FBXO34: variants seen among roughly 807,000 people sequenced by gnomAD.
FBXO34 encodes the protein F-box only protein 34.
FBXO34 carries 12 observed loss-of-function variants against 24.5 expected under a neutral mutation model. The observed-to-expected ratio is 0.49, with a 90% CI of 0.31 to 0.79. The LOEUF is 0.79. FBXO34 is among the 30% of genes least tolerant of loss of function. FBXO34 has a pLI of 0.04. For synonymous variants in FBXO34, 320 were observed against 311.9 expected (o/e 1.03, Z -0.27); for missense variants, 823 against 857.7 (o/e 0.96, Z 0.51).
chr14:55,429,766 C>CAAAAAAAAAAAAAAAAAAAAAAAAAAA, the FBXO34 span, among the ~76,000 whole-genome samples: 1 of 52,394 alleles, frequency 1.9e-5, no homozygotes, highest in Admixed American at 2.6e-4. Flanking sequence ...AACTCCGTCT[C>CAAAAAAAAAAAAAAAAAAAAAAAAAAA]AAAAAAAAAA....
the FBXO34 span, among the ~76,000 whole-genome samples, chr14:55,389,476 T>C: frequency 0.014 from 2,207 of 152,330 alleles, 61 homozygotes; most frequent in African/African-American, 0.049. Flanking sequence ...GTGAGCACTT[T>C]ATTAGGACAA....
the FBXO34 span, chr14:55,413,944 A>G: frequency 6.0e-6 from 3 of 497,622 alleles, no homozygotes; most frequent in East Asian, 1.1e-4. Context: ...GATGTCTACA[A>G]TATCACCTTT....
the FBXO34 span, among the ~76,000 whole-genome samples, chr14:55,381,731 G>A: frequency 1.3e-5 from 2 of 152,212 alleles, no homozygotes; most frequent in Non-Finnish European, 2.9e-5. Context: ...ATGTGTGGTT[G>A]CCAGGAGCTG....
chr14:55,370,028 C>T (rs528496192), downstream of FBXO34: 83 of 1,121,244 alleles, frequency 7.4e-5, no homozygotes, highest in African/African-American at 1.0e-3. Context: ...TGAGGGACGC[C>T]GCACACCCCA....
At chr14:55,367,423 A>AAAAC (rs1491173233) in exon 3 of FBXO34, 5 of 152,268 alleles carry the variant, frequency 3.3e-5, no homozygotes, top group African/African-American at 1.2e-4. Context: ...CTGAGCACTT[A>AAAAC]AAACAGAGAT....
the FBXO34 span, chr14:55,413,498 G>T: frequency 4.1e-6 from 1 of 243,554 alleles, no homozygotes. Flanking sequence ...AGGGGGCGGC[G>T]CCACACTTCT....
chr14:55,396,328 T>C, the FBXO34 span, among the ~76,000 whole-genome samples: 1 of 152,224 alleles, frequency 6.6e-6, no homozygotes, highest in Admixed American at 6.5e-5. Flanking sequence ...CCCAAAGAAA[T>C]GATACATGCC....
downstream of FBXO34, chr14:55,369,722 G>A: frequency 6.2e-7 from 1 of 1,612,658 alleles, no homozygotes; most frequent in Non-Finnish European, 8.5e-7. Context: ...GGACGCCTGG[G>A]TGCTCTGACT....
At chr14:55,394,974 A>C in the FBXO34 span, 1 of 427,974 alleles carries the variant, frequency 2.3e-6, no homozygotes, top group Non-Finnish European at 4.6e-6. Context: ...GACACTTCAA[A>C]GGGGCTCTCC....
chr14:55,430,760 C>T, the FBXO34 span, among the ~76,000 whole-genome samples: 1 of 152,220 alleles, frequency 6.6e-6, no homozygotes, highest in Non-Finnish European at 1.5e-5. Context: ...CCTTGGCTCT[C>T]TTCACCCACT....
chr14:55,279,399 T>C (rs1165814211), intron 1 of FBXO34, among the ~76,000 whole-genome samples: 1 of 149,012 alleles, frequency 6.7e-6, no homozygotes, highest in Non-Finnish European at 1.5e-5. Flanking sequence ...GATAGGAAAA[T>C]AAATAAACTG....
chr14:55,274,061 C>T (rs1479489034), intron 1 of FBXO34, among the ~76,000 whole-genome samples: 2 of 152,162 alleles, frequency 1.3e-5, no homozygotes, highest in African/African-American at 4.8e-5. Flanking sequence ...ACCTCAGCCT[C>T]CCAAAGTGCT....
chr14:55,296,403 T>TTG (rs1882132775), intron 1 of FBXO34, among the ~76,000 whole-genome samples: 1 of 137,322 alleles, frequency 7.3e-6, no homozygotes, highest in South Asian at 2.4e-4. Context: ...TTTTTTTTTT[T>TTG]TTTTTTTTTT....
chr14:55,379,257 C>T, the FBXO34 span, among the ~76,000 whole-genome samples: 1,419 of 152,066 alleles, frequency 9.3e-3, 30 homozygotes, highest in African/African-American at 0.033. Flanking sequence ...AGATGATGGC[C>T]GGGTGCAGTG....
At chr14:55,440,678 G>T in the FBXO34 span, 1 of 1,068,026 alleles carries the variant, frequency 9.4e-7, no homozygotes, top group South Asian at 1.7e-5. Context: ...GCTGGGAAGC[G>T]GAGATGGGCT....
the FBXO34 span, chr14:55,378,080 A>G: frequency 6.2e-7 from 1 of 1,610,014 alleles, no homozygotes; most frequent in Non-Finnish European, 8.5e-7. Context: ...ATTCACTGTA[A>G]AACAAACATA....
chr14:55,401,488 A>C, the FBXO34 span, among the ~76,000 whole-genome samples: 1 of 152,114 alleles, frequency 6.6e-6, no homozygotes, highest in Non-Finnish European at 1.5e-5. Context: ...TGGCTCTTAC[A>C]ACACTATTTT....
chr14:55,411,624 A>G, the FBXO34 span: 1 of 1,611,884 alleles, frequency 6.2e-7, no homozygotes, highest in Non-Finnish European at 8.5e-7. Context: ...CGGCCGTCGA[A>G]GTAGACGAAA....
At chr14:55,356,929 T>C (rs1427215060), downstream of FBXO34, among the ~76,000 whole-genome samples, 2 of 152,152 alleles carry the variant, frequency 1.3e-5, no homozygotes, top group Non-Finnish European at 2.9e-5. Context: ...TTGTATTTTT[T>C]TGTGGAGACA....
Sources: gnomAD v4.1 joint callset for allele counts (sites outside exome capture counted in the v4.1 genomes callset) on GRCh38, gnomAD v4.1.1 for gene constraint, MANE v1.5 for transcripts, NCBI Gene and HGNC (gene_info 2026-07-23, HGNC 2026-07-21) for gene names.